CHRM2: variants seen among roughly 807,000 people sequenced by gnomAD.
The protein encoded by CHRM2 is cholinergic receptor muscarinic 2.
In CHRM2, 8 loss-of-function variants were observed where a neutral mutation model predicts 25.0. The ratio of observed to expected loss-of-function variants is 0.32; its 90% CI spans 0.19 to 0.58. CHRM2 has a LOEUF of 0.58. Among genes scored for constraint, CHRM2 ranks in the 20% least tolerant of loss-of-function variants. The pLI is 0.88. For synonymous variants in CHRM2, 202 were observed against 205.7 expected (o/e 0.98, Z 0.15); for missense variants, 440 against 567.1 (o/e 0.78, Z 2.28).
chr7:136,894,764 T>C (rs1357418371), intron 2 of CHRM2, among the ~76,000 whole-genome samples: 2 of 152,212 alleles, frequency 1.3e-5, no homozygotes, highest in African/African-American at 4.8e-5. Flanking sequence ...ATAATATGTA[T>C]ACTATTAAAT....
At chr7:136,975,350 C>T (rs966583793) in intron 2 of CHRM2, among the ~76,000 whole-genome samples, 1 of 152,032 alleles carries the variant, frequency 6.6e-6, no homozygotes, top group East Asian at 1.9e-4. Flanking sequence ...TAAACATGGT[C>T]CATAGCCTTT....
intron 2 of CHRM2, among the ~76,000 whole-genome samples, chr7:136,985,002 G>T (rs907504069): frequency 1.1e-4 from 16 of 152,082 alleles, no homozygotes; most frequent in South Asian, 2.1e-4. Flanking sequence ...ACAGTAGAAT[G>T]GTTTATTCTA....
At chr7:136,962,276 G>A (rs1438466786) in intron 2 of CHRM2, among the ~76,000 whole-genome samples, 2 of 152,102 alleles carry the variant, frequency 1.3e-5, no homozygotes, top group Non-Finnish European at 2.9e-5. Context: ...GGGATTTACA[G>A]GCATGCGCCA....
intron 2 of CHRM2, among the ~76,000 whole-genome samples, chr7:136,944,238 C>G (rs1255355746): frequency 1.3e-5 from 2 of 151,998 alleles, no homozygotes; most frequent in Non-Finnish European, 2.9e-5. Flanking sequence ...ATTCCTCACC[C>G]CCTCCCATCC....
chr7:136,930,427 C>T (rs55828513), intron 2 of CHRM2, among the ~76,000 whole-genome samples: 36,310 of 152,026 alleles, frequency 0.24, 5,697 homozygotes, highest in Non-Finnish European at 0.35. Flanking sequence ...GGTCCCAGAC[C>T]TTCTAAATCA....
At chr7:136,957,241 G>A (rs1316216602) in intron 2 of CHRM2, among the ~76,000 whole-genome samples, 1 of 139,994 alleles carries the variant, frequency 7.1e-6, no homozygotes, top group East Asian at 2.0e-4. Flanking sequence ...AACATAACAG[G>A]TGTCATAGTG....
chr7:136,993,443 C>T (rs1048491016), intron 3 of CHRM2, among the ~76,000 whole-genome samples: 2 of 152,080 alleles, frequency 1.3e-5, no homozygotes, highest in African/African-American at 4.8e-5. Context: ...TTTAGATAAA[C>T]AAAAATTGTT....
At chr7:136,978,507 T>C (rs991532586) in intron 2 of CHRM2, among the ~76,000 whole-genome samples, 5 of 152,130 alleles carry the variant, frequency 3.3e-5, no homozygotes, top group Non-Finnish European at 5.9e-5. Context: ...AACGTGCAGG[T>C]TTGTTACATA....
intron 2 of CHRM2, chr7:136,950,957 C>T (rs535965277): frequency 6.6e-6 from 1 of 152,602 alleles, no homozygotes; most frequent in African/African-American, 2.4e-5. Context: ...CAGGCACATG[C>T]CACCATGTCC....
chr7:136,903,032 A>G (rs1379281071), intron 2 of CHRM2: 1 of 497,360 alleles, frequency 2.0e-6, no homozygotes, highest in Non-Finnish European at 4.0e-6. Flanking sequence ...ACTTTAAACA[A>G]TAGGCCAGAG....
chr7:136,910,917 C>T (rs934688596), intron 2 of CHRM2, among the ~76,000 whole-genome samples: 4 of 151,416 alleles, frequency 2.6e-5, no homozygotes, highest in African/African-American at 9.7e-5. Flanking sequence ...TTTTAAATTT[C>T]GTTGTTGCTT....
intron 2 of CHRM2, among the ~76,000 whole-genome samples, chr7:136,928,724 A>T (rs1798885061): frequency 6.6e-6 from 1 of 152,156 alleles, no homozygotes; most frequent in East Asian, 1.9e-4. Context: ...GCATACTGGA[A>T]AGAGCCCATG....
At chr7:136,922,865 G>A (rs887975090) in intron 2 of CHRM2, among the ~76,000 whole-genome samples, 2 of 151,802 alleles carry the variant, frequency 1.3e-5, no homozygotes, top group African/African-American at 4.8e-5. Context: ...GATCATTTTG[G>A]GTTTTTTCTA....
chr7:136,958,610 C>T (rs2130882734), intron 2 of CHRM2, among the ~76,000 whole-genome samples: 1 of 152,062 alleles, frequency 6.6e-6, no homozygotes, highest in East Asian at 1.9e-4. Context: ...GAGTGTGCTA[C>T]CATGCCCAGG....
intron 2 of CHRM2, among the ~76,000 whole-genome samples, chr7:136,872,491 C>T (rs1193323072): frequency 6.6e-6 from 1 of 152,158 alleles, no homozygotes; most frequent in Admixed American, 6.5e-5. Flanking sequence ...GCCTTCATTG[C>T]CCAGAAAGTC....
In CHRM2 at chr7:136,945,100, T is replaced by C. The variant is rs149400124; in HGVS notation, c.-124-47087T>C. 1.1e-4 allele frequency among the ~76,000 whole-genome samples: 17 copies of C among 152,112 alleles called. No homozygotes were observed. The East Asian group carries it at 3.3e-3, about 29-fold the overall frequency. ...GTTTTTTGTTTTTTTTTCTTCTTGA[T>C]TTGAGTTCTTTATAGATTCTGGATA... On this transcript the variant is annotated intron_variant, in intron 2 of 3. Transcript: ENST00000680005.
At chr7:136,888,323 C>T (rs1443026311) in intron 2 of CHRM2, among the ~76,000 whole-genome samples, 2 of 152,152 alleles carry the variant, frequency 1.3e-5, no homozygotes, top group Non-Finnish European at 2.9e-5. Flanking sequence ...CATGTCCCTG[C>T]CCATTGCTGC....
intron 2 of CHRM2, among the ~76,000 whole-genome samples, chr7:136,918,072 G>T (rs1026516439): frequency 6.6e-6 from 1 of 152,040 alleles, no homozygotes; most frequent in South Asian, 2.1e-4. Context: ...TGGGGAAAAT[G>T]AATGAAGGAA....
At position 136,869,879 on chromosome 7, in the gene CHRM2, C is replaced by T. The variant is rs1257049158; in HGVS notation, c.-125+461C>T. On this transcript the variant is annotated intron_variant, in intron 2 of 3. Coordinates refer to ENST00000680005, the MANE Select transcript of CHRM2 (RefSeq NM_001006630.2). This position sits in a 1 kb window ranked among gnomAD's most constrained non-coding sequence, Gnocchi z 4.9. Reference sequence around the variant, plus strand: ...GTTCCTTCCTGCTGGGGTCTGACCGCGTCTTCTGTGCGTGTGGGATGGAGG... The same window carrying T: ...GTTCCTTCCTGCTGGGGTCTGACCGTGTCTTCTGTGCGTGTGGGATGGAGG... The T allele has an allele frequency of 6.6e-6, 1 of 152,510 alleles. No homozygotes were observed. The highest frequency in any genetic ancestry group is 2.4e-5 in the African/African-American group (1 of 41,448). The allele number at this position is 152,510 out of a possible 1,614,324, so 9.4% of individuals were successfully genotyped here. A position where few individuals can be genotyped will look rare whatever the true frequency, so the allele number is the denominator to read the frequency against.
Sources: gnomAD v4.1 joint callset for allele counts (sites outside exome capture counted in the v4.1 genomes callset) on GRCh38, gnomAD v4.1.1 for gene constraint, Gnocchi (gnomAD v3.1) non-coding constraint, MANE v1.5 for transcripts, NCBI Gene and HGNC (gene_info 2026-07-23, HGNC 2026-07-21) for gene names.